STX8: variants seen among roughly 807,000 people sequenced by gnomAD.
STX8 encodes syntaxin 8, also known as syntaxin-8.
In STX8, 23 loss-of-function variants were observed where a neutral mutation model predicts 37.5. That is an observed-to-expected ratio of 0.61 (90% CI 0.44 to 0.87). The LOEUF is 0.87. STX8 is among the 40% of genes least tolerant of loss of function. The probability of loss-of-function intolerance (pLI) is 0.00; values close to 1 mark genes in which losing one functional copy is unlikely to be tolerated. For synonymous variants in STX8, 115 were observed against 99.1 expected (o/e 1.16, Z -0.95); for missense variants, 313 against 284.7 (o/e 1.10, Z -0.71).
chr17:9,294,593 G>A (rs1427885473), intron 7 of STX8, among the ~76,000 whole-genome samples: 1 of 152,198 alleles, frequency 6.6e-6, no homozygotes, highest in African/African-American at 2.4e-5. Context: ...TGGGAAGAAT[G>A]CATGGGAAAG....
At chr17:9,371,644 T>A (rs1374518627) in intron 7 of STX8, among the ~76,000 whole-genome samples, 2 of 152,128 alleles carry the variant, frequency 1.3e-5, no homozygotes, top group Non-Finnish European at 2.9e-5. Context: ...GCTTTTTTTT[T>A]TTTTCTTTCT....
At chr17:9,484,920 G>C (rs1053485104) in intron 6 of STX8, among the ~76,000 whole-genome samples, 2 of 152,178 alleles carry the variant, frequency 1.3e-5, no homozygotes, top group Admixed American at 1.3e-4. Context: ...TAATTCTAGT[G>C]ACAGGGAATG....
intron 4 of STX8, among the ~76,000 whole-genome samples, chr17:9,508,369 C>G (rs1904912041): frequency 1.3e-5 from 2 of 152,062 alleles, no homozygotes; most frequent in African/African-American, 4.8e-5. Flanking sequence ...CTCTGTCACC[C>G]AGGCTGGAGT....
intron 6 of STX8, among the ~76,000 whole-genome samples, chr17:9,441,098 T>G (rs1436265687): frequency 2.0e-5 from 3 of 152,118 alleles, no homozygotes; most frequent in Non-Finnish European, 2.9e-5. Flanking sequence ...GGCGTGAAGA[T>G]GTACTCAAAT....
chr17:9,312,429 G>A (rs1195240716), intron 7 of STX8, among the ~76,000 whole-genome samples: 2 of 150,778 alleles, frequency 1.3e-5, no homozygotes, highest in Non-Finnish European at 3.0e-5. Context: ...TCAAACTCCC[G>A]ACCTCAGGTG....
chr17:9,302,503 C>T (rs189189351), intron 7 of STX8, among the ~76,000 whole-genome samples: 1 of 151,954 alleles, frequency 6.6e-6, no homozygotes, highest in East Asian at 1.9e-4. Context: ...TTGTATATTC[C>T]CTGGATGCTT....
At chr17:9,430,048 A>T (rs1390648977) in intron 6 of STX8, among the ~76,000 whole-genome samples, 1 of 57,060 alleles carries the variant, frequency 1.8e-5, no homozygotes, top group East Asian at 4.1e-4. Flanking sequence ...TAGAATATAT[A>T]TATTCTATAT....
intron 3 of STX8, among the ~76,000 whole-genome samples, chr17:9,556,085 A>C (rs1433330596): frequency 3.3e-5 from 5 of 152,216 alleles, no homozygotes; most frequent in African/African-American, 1.2e-4. Flanking sequence ...TTTGAAATTA[A>C]ACTTTTATTT....
chr17:9,420,067 T>G (rs781495273), intron 6 of STX8, among the ~76,000 whole-genome samples: 10 of 152,216 alleles, frequency 6.6e-5, no homozygotes, highest in Non-Finnish European at 1.3e-4. Context: ...TTAGATGAAT[T>G]AGTCACACAT....
At chr17:9,575,093 T>C (rs1277748554) in intron 1 of STX8, among the ~76,000 whole-genome samples, 1 of 152,238 alleles carries the variant, frequency 6.6e-6, no homozygotes, top group Non-Finnish European at 1.5e-5. Flanking sequence ...TTCCTTGGGA[T>C]CAAACAATAT....
At chr17:9,437,857 A>G (rs1013088032) in intron 6 of STX8, 2 of 152,178 alleles carry the variant, frequency 1.3e-5, no homozygotes, top group African/African-American at 4.8e-5. Context: ...CAGTGATTCC[A>G]TGATGAATTT....
intron 4 of STX8, 141 bp from the exon 5 acceptor site, chr17:9,505,303 C>T (rs1302637338): frequency 1.1e-5 from 10 of 931,122 alleles, no homozygotes; most frequent in Non-Finnish European, 1.6e-5. Context: ...TTAGTTTATG[C>T]CAGGAACTGT....
intron 6 of STX8, among the ~76,000 whole-genome samples, chr17:9,452,960 C>T (rs1905088593): frequency 1.3e-5 from 2 of 152,098 alleles, no homozygotes; most frequent in Non-Finnish European, 2.9e-5. Flanking sequence ...TGCCCACCAC[C>T]ACGCCCAGCT....
At position 9,491,960 on chromosome 17, in the gene STX8, A is replaced by G. The variant is rs762860932; in HGVS notation, c.449-39T>C. ...GAAAAATAATTAACTAGAAACTAGA[A>G]GAAAACAACTTAAAGTCCATAAGTA... On this transcript the variant is annotated intron_variant, in intron 5 of 7. Transcript: ENST00000306357. 5.4e-6 allele frequency: 8 copies of G among 1,478,800 alleles called. No homozygotes were observed. The South Asian group carries it at 8.3e-5, about 15-fold the overall frequency. The allele number at this position is 1,478,800 out of a possible 1,614,324, so 91.6% of individuals were successfully genotyped here.
At chr17:9,525,317 C>T (rs923942458) in intron 4 of STX8, among the ~76,000 whole-genome samples, 2 of 151,914 alleles carry the variant, frequency 1.3e-5, no homozygotes, top group Non-Finnish European at 2.9e-5. Flanking sequence ...AGCCTCCCCC[C>T]ACTGCCCACA....
chr17:9,573,011 C>G (rs1907741326), intron 1 of STX8, among the ~76,000 whole-genome samples: 1 of 151,978 alleles, frequency 6.6e-6, no homozygotes, highest in Non-Finnish European at 1.5e-5. Flanking sequence ...GATTTAGGTT[C>G]CAGAAGGTGG....
intron 7 of STX8, among the ~76,000 whole-genome samples, chr17:9,282,904 C>CTTTT (rs5819219): frequency 6.7e-6 from 1 of 149,144 alleles, no homozygotes; most frequent in Non-Finnish European, 1.5e-5. Context: ...GGAGATGAAT[C>CTTTT]TTTTTTTTTT....
At chr17:9,445,246 AC>A (rs1402329324) in intron 6 of STX8, among the ~76,000 whole-genome samples, 2 of 151,778 alleles carry the variant, frequency 1.3e-5, no homozygotes, top group Non-Finnish European at 2.9e-5. Flanking sequence ...ACCTATTGGC[AC>A]TCCAATGAAA....
At chr17:9,521,019 A>T (rs2076044475) in intron 4 of STX8, among the ~76,000 whole-genome samples, 1 of 152,066 alleles carries the variant, frequency 6.6e-6, no homozygotes, top group South Asian at 2.1e-4. Context: ...ATTTGAAAAC[A>T]CTCCTATGAT....
Sources: allele counts gnomAD v4.1 joint callset (sites outside exome capture counted in the v4.1 genomes callset), GRCh38; gene constraint gnomAD v4.1.1; transcripts MANE v1.5; gene names NCBI Gene and HGNC (gene_info 2026-07-23, HGNC 2026-07-21).